The following C14orf39 variants were observed in gnomAD, a reference collection of about 807,000 sequenced individuals.
C14orf39 encodes the protein protein SIX6OS1.
Under a neutral mutation model 85.6 loss-of-function variants are expected in C14orf39, and 66 were observed. That is an observed-to-expected ratio of 0.77 (90% CI 0.63 to 0.95). The LOEUF is 0.95. Ranked by LOEUF, C14orf39 falls within the 40% of genes least tolerant of loss-of-function variation. The pLI is 0.00. For missense variants in C14orf39, 735 were observed against 663.9 expected, an observed-to-expected ratio of 1.11 and a Z score of -1.18; for synonymous variants, 242 against 214.0, an observed-to-expected ratio of 1.13 and a Z score of -1.14.
chr14:60,461,606 A>C lies in C14orf39; in HGVS notation c.973-13T>G. On this transcript the variant is annotated splice_polypyrimidine_tract_variant and intron_variant, in intron 11 of 17. Coordinates refer to ENST00000321731, the MANE Select transcript of C14orf39 (RefSeq NM_174978.3). ...AGTCATTAAATATCTGAAAGAAAGA[A>C]ATTAAGCATCTGACTTGGCTACACA... The C allele has an allele frequency of 6.6e-7, 1 of 1,514,158 alleles. No individual in the cohort carries two copies. Among genetic ancestry groups the C allele is most frequent in the African/African-American group, 1.4e-5 (1 of 71,410 alleles). The allele number at this position is 1,514,158 out of a possible 1,614,324, so 93.8% of individuals were successfully genotyped here.
chr14:60,448,829 C>T (rs1400588615), intron 16 of C14orf39, among the ~76,000 whole-genome samples: 2 of 152,156 alleles, frequency 1.3e-5, no homozygotes, highest in East Asian at 3.8e-4. Flanking sequence ...AAATGTGGCA[C>T]ATATACACCA....
intron 1 of C14orf39, among the ~76,000 whole-genome samples, chr14:60,514,824 C>A (rs1893340405): frequency 6.6e-6 from 1 of 152,218 alleles, no homozygotes; most frequent in Non-Finnish European, 1.5e-5. Flanking sequence ...TCAACGGGGA[C>A]GCGAGAGCGC....
intron 1 of C14orf39, among the ~76,000 whole-genome samples, chr14:60,510,525 G>A (rs985811559): frequency 6.6e-6 from 1 of 152,332 alleles, no homozygotes; most frequent in African/African-American, 2.4e-5. Context: ...CGTGGGCCGA[G>A]GCTTTTCGTT....
chr14:60,493,985 A>T (rs1893030349), intron 2 of C14orf39: 1 of 173,606 alleles, frequency 5.8e-6, no homozygotes. Flanking sequence ...CATCTTGGAG[A>T]CAGTACATCA....
upstream of C14orf39, among the ~76,000 whole-genome samples, chr14:60,486,958 T>A (rs550948539): frequency 3.3e-5 from 5 of 152,306 alleles, no homozygotes; most frequent in Non-Finnish European, 5.9e-5. Flanking sequence ...AAAAATCTTT[T>A]ACTTAGTTTT....
chr14:60,503,490 T>C (rs1012957629), intron 1 of C14orf39, among the ~76,000 whole-genome samples: 6 of 152,202 alleles, frequency 3.9e-5, no homozygotes, highest in Non-Finnish European at 7.4e-5. Flanking sequence ...AAAAGTAAGG[T>C]ATATAATGGA....
At chr14:60,447,060 A>T (rs1014811252) in intron 16 of C14orf39, among the ~76,000 whole-genome samples, 33 of 152,262 alleles carry the variant, frequency 2.2e-4, no homozygotes, top group African/African-American at 7.2e-4. Flanking sequence ...CAAAATAATA[A>T]GAGCTATCTA....
rs1893345195 is a variant in C14orf39, at chr14:60,515,078, A to G, written c.-144+317T>C. On this transcript the variant is annotated intron_variant, in intron 1 of 5. Transcript: ENST00000556799. The surrounding 1 kb of genome is among the most constrained non-coding windows in gnomAD (Gnocchi z 6.2). ...GGCGGCGGCGAGGGGAGAAGGGGTCATTGTCCGCGCGCTGGCCCGGGCGCC... is the reference window on the plus strand; with the variant it reads ...GGCGGCGGCGAGGGGAGAAGGGGTCGTTGTCCGCGCGCTGGCCCGGGCGCC... The G allele has an allele frequency of 6.6e-6, 1 of 152,160 alleles. No individual in the cohort carries two copies. Among genetic ancestry groups the G allele is most frequent in the South Asian group, 2.1e-4 (1 of 4,830 alleles). The allele number at this position is 152,160 out of a possible 1,614,324, so 9.4% of individuals were successfully genotyped here. A position where few individuals can be genotyped will look rare whatever the true frequency, so the allele number is the denominator to read the frequency against.
chr14:60,471,773 C>T (rs759547373), intron 5 of C14orf39, 34 bp from the exon 6 acceptor site: 3 of 1,284,594 alleles, frequency 2.3e-6, no homozygotes, highest in Non-Finnish European at 3.2e-6. Context: ...GTTTATATAA[C>T]AACAACAGAT....
chr14:60,463,596 A>G (rs900753285), intron 11 of C14orf39, among the ~76,000 whole-genome samples: 1 of 152,160 alleles, frequency 6.6e-6, no homozygotes. Flanking sequence ...TTCATGGTAT[A>G]TGAATTATAC....
intron 16 of C14orf39, among the ~76,000 whole-genome samples, chr14:60,448,696 A>C (rs1890896256): frequency 6.6e-6 from 1 of 152,206 alleles, no homozygotes; most frequent in African/African-American, 2.4e-5. Context: ...TACCCAAAGG[A>C]TTATAAATCA....
chr14:60,510,061 C>T, intron 1 of C14orf39: 1 of 1,162,020 alleles, frequency 8.6e-7, no homozygotes, highest in Admixed American at 2.0e-5. Flanking sequence ...CCTGGCGACT[C>T]CAATTCAGCA....
chr14:60,466,691 T>C (rs1216157418), intron 10 of C14orf39, among the ~76,000 whole-genome samples: 2 of 151,918 alleles, frequency 1.3e-5, no homozygotes, highest in African/African-American at 4.8e-5. Flanking sequence ...AACACTTTTT[T>C]TGAAATTTAT....
chr14:60,468,672 GTTA>G, intron 8 of C14orf39, 136 bp from the exon 9 acceptor site: 1 of 443,926 alleles, frequency 2.3e-6, no homozygotes, highest in Non-Finnish European at 3.9e-6. Context: ...TCTATTTACA[GTTA>G]TTAAAACAAA....
intron 16 of C14orf39, among the ~76,000 whole-genome samples, chr14:60,445,165 G>A (rs556400899): frequency 2.0e-5 from 3 of 152,068 alleles, no homozygotes; most frequent in Admixed American, 6.6e-5. Flanking sequence ...ATCAATTAAC[G>A]GGCAAAATAA....
rs1254765532 is a variant in C14orf39 at position 60,471,407 on chromosome 14, T to C, written c.554+10A>G. The C allele has an allele frequency of 1.3e-6, 2 of 1,569,260 alleles. No individual in the cohort carries two copies. The highest frequency in any genetic ancestry group is 8.7e-7 in the Non-Finnish European group (1 of 1,154,046). ...ATAAAAATTATAAGTACAAATACTA[T>C]TGTGGATACATGTTTAAAGTCCATT... On this transcript the variant is annotated intron_variant, in intron 7 of 17. Coordinates refer to ENST00000321731, the MANE Select transcript of C14orf39 (RefSeq NM_174978.3).
intron 16 of C14orf39, among the ~76,000 whole-genome samples, chr14:60,444,976 A>G (rs139235621): frequency 0.03 from 4,499 of 152,300 alleles, 124 homozygotes; most frequent in Non-Finnish European, 0.045. Context: ...TAACCTTCAT[A>G]AGTGAAGGAG....
In C14orf39 at chr14:60,484,795, TAA is replaced by T; in HGVS notation, c.106+84_106+85del. The T allele has an allele frequency of 9.9e-6, 9 of 913,072 alleles. No individual in the cohort carries two copies. The highest frequency in any genetic ancestry group is 1.5e-5 in the Non-Finnish European group (9 of 589,262). 56.6% of individuals were successfully genotyped at this position (913,072 alleles called of 1,614,324 possible). ...GACACAAAAGTTATAACGCCAACAA[TAA>T]GTTGCCCTAAACAGAGCAATTGTAT... On this transcript the variant is annotated intron_variant, in intron 3 of 17. Coordinates refer to ENST00000321731, the MANE Select transcript of C14orf39 (RefSeq NM_174978.3). This position sits in a 1 kb window ranked among gnomAD's most constrained non-coding sequence, Gnocchi z 4.2.
intron 1 of C14orf39, among the ~76,000 whole-genome samples, chr14:60,506,745 G>A (rs530157107): frequency 3.9e-5 from 6 of 152,274 alleles, no homozygotes; most frequent in Admixed American, 1.3e-4. Flanking sequence ...CACGCAGCCC[G>A]CACCCTTCTG....
Sources: allele counts gnomAD v4.1 joint callset (sites outside exome capture counted in the v4.1 genomes callset), GRCh38; gene constraint gnomAD v4.1.1; non-coding constraint Gnocchi (gnomAD v3.1); transcripts MANE v1.5; gene names NCBI Gene and HGNC (gene_info 2026-07-23, HGNC 2026-07-21).